DCAF8L2: variants seen among roughly 807,000 people sequenced by gnomAD.
DCAF8L2 encodes DDB1- and CUL4-associated factor 8-like protein 2.
For missense variants in DCAF8L2, 430 were observed against 490.7 expected (o/e 0.88, Z 1.17); for synonymous variants, 200 against 190.9 (o/e 1.05, Z -0.39).
At chrX:27,606,945 C>A (rs1242727320) in intron 1 of DCAF8L2, among the ~76,000 whole-genome samples, 1 of 111,024 alleles carries the variant, frequency 9.0e-6, no homozygotes, top group Non-Finnish European at 1.9e-5. Flanking sequence ...TACCCAAAAT[C>A]CAGTTACAAT....
chrX:27,592,424 T>TG (rs1375658456), intron 1 of DCAF8L2, among the ~76,000 whole-genome samples: 1 of 108,110 alleles, frequency 9.2e-6, no homozygotes, highest in Admixed American at 9.9e-5. Context: ...TTTGTTTTTT[T>TG]TTTTTTTGGT....
At chrX:27,589,984 G>C (rs12015081), upstream of DCAF8L2, among the ~76,000 whole-genome samples, 9,635 of 111,409 alleles carry the variant, frequency 0.086, 808 homozygotes, top group African/African-American at 0.27. Flanking sequence ...GGTGTGAACT[G>C]CATGGACATG....
intron 3 of DCAF8L2, among the ~76,000 whole-genome samples, chrX:27,678,993 TGAAAG>T (rs1930236142): frequency 9.0e-6 from 1 of 111,343 alleles, no homozygotes; most frequent in Non-Finnish European, 1.9e-5. Context: ...AAATGTGTGA[TGAAAG>T]GAAAAGAGAG....
chrX:27,592,565 T>C (rs1195656607), intron 1 of DCAF8L2, among the ~76,000 whole-genome samples: 8 of 108,935 alleles, frequency 7.3e-5, no homozygotes, highest in Admixed American at 3.0e-4. Flanking sequence ...GCCTCCTGAG[T>C]AGCTGGGACT....
At chrX:27,551,614 T>G in the DCAF8L2 span, among the ~76,000 whole-genome samples, 1 of 111,709 alleles carries the variant, frequency 9.0e-6, no homozygotes, top group African/African-American at 3.3e-5. Context: ...TTATTTCACT[T>G]AACATTATGT....
At position 27,747,300 on chromosome X, in the gene DCAF8L2, G is replaced by C. The variant is rs866365853; in HGVS notation, c.405G>C (p.Glu135Asp). ...GEEEEEEEEE[E>D]EEEEEEEEEE... ...AGGAGGAAGAGGAGGAGGAGGAGGAGGAGGAGGAGGAGGAGGAGGAGGAGG... is the reference window on the plus strand; with the variant it reads ...AGGAGGAAGAGGAGGAGGAGGAGGACGAGGAGGAGGAGGAGGAGGAGGAGG... Residue 135 changes from glutamate (E) to aspartate (D), a missense_variant, in exon 5 of 5, where the codon GAG becomes GAC. Transcript: ENST00000451261. 9 of 1,084,634 alleles carry C rather than the reference G, an allele frequency of 8.3e-6. No individual in the cohort carries two copies. Among genetic ancestry groups the C allele is most frequent in the Non-Finnish European group, 1.1e-5 (9 of 822,948 alleles). The allele number at this position is 1,084,634 out of a possible 1,213,427, so 89.4% of individuals were successfully genotyped here.
the DCAF8L2 span, among the ~76,000 whole-genome samples, chrX:27,534,660 T>C: frequency 8.9e-6 from 1 of 112,432 alleles, no homozygotes; most frequent in Non-Finnish European, 1.9e-5. Flanking sequence ...TACTGAATTC[T>C]GTGATATTAG....
chrX:27,726,076 T>A (rs1480817069), intron 4 of DCAF8L2, among the ~76,000 whole-genome samples: 1 of 111,658 alleles, frequency 9.0e-6, no homozygotes, highest in African/African-American at 3.2e-5. Context: ...ACAAGCTTGA[T>A]AACTTATATC....
intron 2 of DCAF8L2, among the ~76,000 whole-genome samples, chrX:27,654,952 G>C (rs1030906919): frequency 6.3e-5 from 7 of 110,768 alleles, no homozygotes; most frequent in Non-Finnish European, 1.1e-4. Context: ...ATGAATACGA[G>C]AAACTAGGCA....
chrX:27,562,113 C>T, the DCAF8L2 span, among the ~76,000 whole-genome samples: 1 of 112,075 alleles, frequency 8.9e-6, no homozygotes, highest in Non-Finnish European at 1.9e-5. Context: ...TGAGTGTGAA[C>T]TTGTATCTCA....
the DCAF8L2 span, among the ~76,000 whole-genome samples, chrX:27,502,335 A>T: frequency 0.025 from 312 of 12,302 alleles, 10 homozygotes; most frequent in Non-Finnish European, 0.036. Context: ...AAAAAAAAAA[A>T]ATATATATAT....
At position 27,670,690 on chromosome X, in the gene DCAF8L2, G is replaced by A. The variant is rs757504485; in HGVS notation, c.-219-7146G>A. On this transcript the variant is annotated intron_variant, in intron 2 of 4. Transcript: ENST00000451261. ...CCAGTGTTGGAGGGGGACCTGGTGG[G>A]AGGTGTTTGGGTTATGAGAAGGGAT... Among the ~76,000 whole-genome samples, 9 of 111,208 alleles carry A rather than the reference G, an allele frequency of 8.1e-5. No individual in the cohort carries two copies. The South Asian group carries it at 3.5e-3, about 43-fold the overall frequency.
chrX:27,500,098 A>T, the DCAF8L2 span, among the ~76,000 whole-genome samples: 8 of 111,768 alleles, frequency 7.2e-5, no homozygotes, highest in African/African-American at 2.6e-4. Context: ...GTTTTGCAAG[A>T]TGTTAACATT....
At chrX:27,618,623 C>T (rs907808892) in intron 1 of DCAF8L2, among the ~76,000 whole-genome samples, 7 of 111,132 alleles carry the variant, frequency 6.3e-5, no homozygotes, top group Admixed American at 3.9e-4. Flanking sequence ...ATGTTCCTTA[C>T]TCCAGGCAGA....
intron 3 of DCAF8L2, among the ~76,000 whole-genome samples, chrX:27,704,063 A>G (rs1480356869): frequency 2.9e-5 from 3 of 104,004 alleles, no homozygotes; most frequent in Non-Finnish European, 3.9e-5. Flanking sequence ...TTGTGTGTGT[A>G]TATATATATA....
chrX:27,670,284 C>T (rs1366773794), intron 2 of DCAF8L2, among the ~76,000 whole-genome samples: 1 of 111,183 alleles, frequency 9.0e-6, no homozygotes, highest in Non-Finnish European at 1.9e-5. Flanking sequence ...AACAAACTTA[C>T]AGCTGAACTC....
the DCAF8L2 span, among the ~76,000 whole-genome samples, chrX:27,471,817 TA>T: frequency 8.9e-6 from 1 of 111,772 alleles, no homozygotes; most frequent in Non-Finnish European, 1.9e-5. Context: ...TTGCATTATC[TA>T]GAAGACAATA....
chrX:27,737,809 C>T (rs868516001), intron 4 of DCAF8L2, among the ~76,000 whole-genome samples: 2 of 108,935 alleles, frequency 1.8e-5, no homozygotes, highest in South Asian at 8.0e-4. Context: ...ATCTAGGAAG[C>T]ACATTTAAAT....
At chrX:27,726,034 C>G in intron 4 of DCAF8L2, among the ~76,000 whole-genome samples, 1 of 111,566 alleles carries the variant, frequency 9.0e-6, no homozygotes, top group Non-Finnish European at 1.9e-5. Context: ...TATAGCTATA[C>G]TCTCTTGCTT....
Sources: allele counts gnomAD v4.1 joint callset (sites outside exome capture counted in the v4.1 genomes callset), GRCh38; gene constraint gnomAD v4.1.1; transcripts MANE v1.5; gene names NCBI Gene and HGNC (gene_info 2026-07-23, HGNC 2026-07-21).